RBM4: variants seen among roughly 807,000 people sequenced by gnomAD.
RBM4 encodes RNA binding motif protein 4.
RBM4 carries 7 observed loss-of-function variants against 29.5 expected under a neutral mutation model. The observed-to-expected ratio is 0.24, with a 90% CI of 0.14 to 0.45. The LOEUF (loss-of-function observed/expected upper bound fraction) is 0.45. Among genes scored for constraint, RBM4 ranks in the 20% least tolerant of loss-of-function variants. The probability of loss-of-function intolerance (pLI) is 1.00; values close to 1 mark genes in which losing one functional copy is unlikely to be tolerated. For synonymous variants in RBM4, 220 were observed against 205.4 expected (o/e 1.07, Z -0.61); for missense variants, 387 against 502.3 (o/e 0.77, Z 2.19).
intron 2 of RBM4, among the ~76,000 whole-genome samples, chr11:66,654,421 G>A (rs145007082): frequency 0.032 from 4,814 of 151,470 alleles, 263 homozygotes; most frequent in African/African-American, 0.11. Flanking sequence ...GCGTGAACCC[G>A]GGAGGCAGAG....
At chr11:66,656,575 C>T (rs542227060) in intron 2 of RBM4, among the ~76,000 whole-genome samples, 2 of 152,078 alleles carry the variant, frequency 1.3e-5, no homozygotes, top group Non-Finnish European at 2.9e-5. Flanking sequence ...CTATGCCCGG[C>T]CTGAAGTATT....
intron 2 of RBM4, among the ~76,000 whole-genome samples, chr11:66,653,799 T>TTTTTCC (rs1938883890): frequency 1.3e-5 from 2 of 151,832 alleles, no homozygotes; most frequent in African/African-American, 4.8e-5. Context: ...ATGGGTTTTC[T>TTTTTCC]TTTTTCTCTT....
intron 2 of RBM4, among the ~76,000 whole-genome samples, chr11:66,662,357 A>T (rs896400766): frequency 6.6e-6 from 1 of 151,826 alleles, no homozygotes; most frequent in South Asian, 2.1e-4. Context: ...TTTGCAGAAA[A>T]TTTTTTTTCT....
Position 66,645,652 on chromosome 11 carries a change from T to A in RBM4, c.*9-375T>A, listed in dbSNP as rs559236300. Among the ~76,000 whole-genome samples, 192 of 152,236 alleles carry A rather than the reference T, an allele frequency of 1.3e-3. 1 individual carries two copies. The highest frequency in any genetic ancestry group is 4.4e-3 in the African/African-American group (182 of 41,534). On this transcript the variant is annotated intron_variant, in intron 3 of 3. Transcript: ENST00000310092. ...GAAAATACTGTTAATTTTTTTTTTT[T>A]AAACCTCAGGGAGCTAATTGGAACC...
chr11:66,640,294 CT>C, intron 2 of RBM4, 171 bp downstream of exon 2: 1 of 877,776 alleles, frequency 1.1e-6, no homozygotes, highest in Non-Finnish European at 1.7e-6. Flanking sequence ...GACTTAGGGG[CT>C]TTACCTTAGG....
intron 1 of RBM4, 66 bp from the exon 2 acceptor site, chr11:66,639,634 C>G: frequency 6.5e-7 from 1 of 1,542,326 alleles, no homozygotes; most frequent in Non-Finnish European, 8.8e-7. Context: ...GAGTGAAAGT[C>G]GTTGTCTTTT....
chr11:66,664,871 T>C (rs1054273924), intron 2 of RBM4: 1 of 152,286 alleles, frequency 6.6e-6, no homozygotes, highest in Non-Finnish European at 1.5e-5. Context: ...AGTGCTAAGA[T>C]TACAGGTGTA....
chr11:66,641,041 T>C (rs1290106034), intron 2 of RBM4: 1 of 152,220 alleles, frequency 6.6e-6, no homozygotes, highest in African/African-American at 2.4e-5. Flanking sequence ...ACAGTGGCAG[T>C]TCAGGGGTGG....
exon 3 of RBM4, chr11:66,667,231 G>A (rs912030200): frequency 2.2e-4 from 34 of 152,284 alleles, no homozygotes; most frequent in Admixed American, 1.6e-3. Flanking sequence ...TTTCCACTCA[G>A]ATGAAAAGAT....
At chr11:66,666,329 A>C in exon 3 of RBM4, 1 of 1,021,690 alleles carries the variant, frequency 9.8e-7, no homozygotes, top group Non-Finnish European at 1.2e-6. Context: ...GATCTGTGCC[A>C]ATCGACTTCA....
chr11:66,643,630 G>A lies in RBM4; in HGVS notation c.593G>A (p.Arg198His), dbSNP rs577949918. ...TATAATGAGCAATACGGAGCAGTGC[G>A]TACGCCTTACACCATGAGCTATGGG... is the stretch of plus-strand genomic sequence containing the variant. ...EQYNEQYGAV[R>H]TPYTMSYGDS... Residue 198 changes from arginine to histidine, a missense_variant, in exon 3 of 4, where the codon CGT (arginine) becomes CAT (histidine). Physicochemically the swap from Arg to His is conservative, Grantham distance 29. Coordinates refer to ENST00000310092, the MANE Select transcript of RBM4 (RefSeq NM_002896.4). The surrounding 1 kb of genome is among the most constrained non-coding windows in gnomAD (Gnocchi z 6.1). 1.1e-5 allele frequency: 18 copies of A among 1,614,046 alleles called. No homozygotes were observed. The highest frequency in any genetic ancestry group is 3.3e-5 in the Admixed American group (2 of 60,006).
chr11:66,662,391 G>A (rs1027710729), intron 2 of RBM4, among the ~76,000 whole-genome samples: 2 of 151,242 alleles, frequency 1.3e-5, no homozygotes, highest in African/African-American at 2.5e-5. Flanking sequence ...TAGAAATCAA[G>A]ATACTTTTAT....
intron 2 of RBM4, chr11:66,640,326 G>A: frequency 2.9e-6 from 2 of 687,436 alleles, no homozygotes; most frequent in Non-Finnish European, 2.4e-6. Context: ...CTGGAGAAAA[G>A]CCACTCACCT....
At chr11:66,665,411 G>GTT in intron 2 of RBM4, 1 of 650,870 alleles carries the variant, frequency 1.5e-6, no homozygotes. Flanking sequence ...AGTTTCAGGA[G>GTT]GAAAGAAAAG....
At chr11:66,665,617 T>G in intron 2 of RBM4, 2 of 1,535,786 alleles carry the variant, frequency 1.3e-6, no homozygotes, top group Non-Finnish European at 1.7e-6. Flanking sequence ...ACACAATGCC[T>G]GGAGAGCAGC....
At chr11:66,639,362 T>G in intron 1 of RBM4, 1 of 253,762 alleles carries the variant, frequency 3.9e-6, no homozygotes, top group Admixed American at 5.0e-5. Context: ...GACTTTTGTT[T>G]TCTGTTGTCC....
intron 2 of RBM4, among the ~76,000 whole-genome samples, chr11:66,655,099 C>T (rs1330218333): frequency 1.3e-5 from 2 of 152,078 alleles, no homozygotes; most frequent in African/African-American, 4.8e-5. Context: ...GATTCTCCTG[C>T]CTCAGCATCC....
Position 66,660,921 on chromosome 11 carries a change from C to CT in RBM4, c.413-4934dup, listed in dbSNP as rs1939071401. Among the ~76,000 whole-genome samples the CT allele has an allele frequency of 3.3e-5, 5 of 152,190 alleles. No homozygotes were observed. The South Asian group carries it at 1.0e-3, about 32-fold the overall frequency. On this transcript the variant is annotated intron_variant, in intron 2 of 2. Coordinates refer to the RBM4 transcript ENST00000396053. ...CCACCCGACTCGGCCTCCCAAAGTG[C>CT]TGGGATTACAGGCGTGAGCCACTGC...
At chr11:66,642,955 A>G (rs1434648223) in intron 2 of RBM4, among the ~76,000 whole-genome samples, 1 of 152,216 alleles carries the variant, frequency 6.6e-6, no homozygotes, top group African/African-American at 2.4e-5. Flanking sequence ...GATTGAGTCT[A>G]GATCATTCTT....
Sources: allele counts gnomAD v4.1 joint callset (sites outside exome capture counted in the v4.1 genomes callset), GRCh38; gene constraint gnomAD v4.1.1; non-coding constraint Gnocchi (gnomAD v3.1); transcripts MANE v1.5; gene names NCBI Gene and HGNC (gene_info 2026-07-23, HGNC 2026-07-21).